The following CDH23 variants were observed in gnomAD, a reference collection of about 807,000 sequenced individuals.
CDH23 encodes the protein cadherin-23.
A neutral mutation model predicts 317.1 loss-of-function variants in CDH23; 189 were observed. The observed-to-expected ratio is 0.60, with a 90% CI of 0.53 to 0.67. The LOEUF (loss-of-function observed/expected upper bound fraction) is 0.67, where lower values mean the gene tolerates loss of function less well. Ranked by LOEUF, CDH23 falls within the 30% of genes least tolerant of loss-of-function variation. The pLI is 0.00. For synonymous variants in CDH23, 1,839 were observed against 1,876.8 expected, an observed-to-expected ratio of 0.98 and a Z score of 0.52; for missense variants, 4,401 against 4,592.4, an observed-to-expected ratio of 0.96 and a Z score of 1.20.
Position 71,587,220 on chromosome 10 carries a change from T to C in CDH23, c.832+9228T>C, listed in dbSNP as rs915997171. Among the ~76,000 whole-genome samples, 6 of 152,292 alleles carry C rather than the reference T, an allele frequency of 3.9e-5. No individual in the cohort carries two copies. The East Asian group carries it at 7.7e-4, about 20-fold the overall frequency. ...GACCTTCCTGCTTCTAAAACTCACA[T>C]TTTTTTTCCTGCTATTGTTTGCTAT... is the stretch of plus-strand genomic sequence containing the variant. On this transcript the variant is annotated intron_variant, in intron 9 of 69. Coordinates refer to ENST00000224721, the MANE Select transcript of CDH23 (RefSeq NM_022124.6).
At chr10:71,485,545 T>G (rs111602135) in intron 3 of CDH23, among the ~76,000 whole-genome samples, 60 of 152,378 alleles carry the variant, frequency 3.9e-4, no homozygotes, top group African/African-American at 1.4e-3. Flanking sequence ...TATTCCCACC[T>G]GCTCCCAAGC....
intron 58 of CDH23, 51 bp from the exon 59 acceptor site, chr10:71,807,465 G>A (rs1841764659): frequency 1.2e-6 from 2 of 1,612,614 alleles, no homozygotes; most frequent in Middle Eastern, 1.7e-4. Context: ...ACCCACATAT[G>A]CCCTGCTCCT....
At chr10:71,647,021 G>T (rs1483876956) in intron 14 of CDH23, 1 of 985,132 alleles carries the variant, frequency 1.0e-6, no homozygotes, top group African/African-American at 1.7e-5. Context: ...AGGGTACCGG[G>T]GCACCCCCAG....
At chr10:71,784,515 G>A in intron 42 of CDH23, 95 bp downstream of exon 42, 2 of 1,505,092 alleles carry the variant, frequency 1.3e-6, no homozygotes, top group South Asian at 1.3e-5. Flanking sequence ...TGCCAAGAGA[G>A]GCCACAGGCT....
chr10:71,797,036 G>A, intron 48 of CDH23, 68 bp from the exon 49 acceptor site: 1 of 977,134 alleles, frequency 1.0e-6, no homozygotes, highest in Admixed American at 2.0e-5. Flanking sequence ...TTGGCCAGGA[G>A]CACCCCTGGG....
In CDH23 at chr10:71,705,094, CCCA is replaced by C. The variant is rs1865731745; in HGVS notation, c.2921_2923del (p.Thr974del). 2.5e-6 allele frequency: 4 copies of C among 1,610,602 alleles called. No homozygotes were observed. Among genetic ancestry groups the C allele is most frequent in the Non-Finnish European group, 3.4e-6 (4 of 1,179,028 alleles). ...GGTGGTGGCCAGTGATGCAGGCACG[CCCA>C]CCAAGAGCTCCACCAGCACGCTCAC... On this transcript the variant is annotated inframe_deletion, in exon 25 of 70. Coordinates refer to ENST00000224721, the MANE Select transcript of CDH23 (RefSeq NM_022124.6).
At chr10:71,791,369 C>G (rs934745365) in intron 47 of CDH23, 34 bp downstream of exon 47, 8 of 1,584,552 alleles carry the variant, frequency 5.0e-6, no homozygotes, top group Admixed American at 1.7e-5. Flanking sequence ...ACCCCACAAC[C>G]AGGGGCCGGT....
chr10:71,409,474 G>A (rs572892925), intron 1 of CDH23, among the ~76,000 whole-genome samples: 12 of 152,176 alleles, frequency 7.9e-5, no homozygotes, highest in South Asian at 2.1e-4. Flanking sequence ...GGTAAGGGAC[G>A]GAGGATGGGG....
chr10:71,595,687 G>T (rs889927402), intron 9 of CDH23, among the ~76,000 whole-genome samples: 1 of 152,168 alleles, frequency 6.6e-6, no homozygotes, highest in Non-Finnish European at 1.5e-5. Context: ...ACCTGCAGGG[G>T]CCTTCCCCTG....
chr10:71,534,987 G>A (rs902896053), intron 6 of CDH23, among the ~76,000 whole-genome samples: 2 of 152,240 alleles, frequency 1.3e-5, no homozygotes, highest in African/African-American at 2.4e-5. Flanking sequence ...TCCCCTCCCT[G>A]TGTGGGCTGT....
At chr10:71,707,324 G>C in intron 26 of CDH23, 1 of 1,420,868 alleles carries the variant, frequency 7.0e-7, no homozygotes, top group African/African-American at 1.4e-5. Context: ...TCATTCTAGA[G>C]GGAGGTAAGG....
At chr10:71,608,359 A>G (rs1013947366) in intron 9 of CDH23, among the ~76,000 whole-genome samples, 3 of 152,186 alleles carry the variant, frequency 2.0e-5, no homozygotes, top group African/African-American at 7.2e-5. Context: ...AGTGGAGATC[A>G]GGATCGCACA....
Position 71,702,658 on chromosome 10 carries a change from G to T in CDH23, c.2697G>T (p.Val899=). 6.2e-7 allele frequency: 1 copy of T among 1,613,912 alleles called. No individual in the cohort carries two copies. The highest frequency in any genetic ancestry group is 8.5e-7 in the Non-Finnish European group (1 of 1,179,886). The change falls in exon 24 of 70, where the codon GTG becomes GTT. Residue 899 remains valine, a synonymous_variant. Coordinates refer to ENST00000224721, the MANE Select transcript of CDH23 (RefSeq NM_022124.6). ...TFQNLPFVAE[V]LEGIPAGVSI... ...AGAACCTGCCTTTTGTGGCCGAGGT[G>T]CTTGAAGGCATCCCGGCGGGGGTCT...
chr10:71,807,334 C>G lies in CDH23; in HGVS notation c.8236C>G (p.Leu2746Val). Residue 2746 changes from leucine (L) to valine (V), a missense_variant, in exon 58 of 70, where the codon CTC (leucine) becomes GTC (valine). Transcript: ENST00000224721. ...TVPEHSPRGT[L>V]VGNVTGAVDA... is the part of the protein sequence containing the mutation. ...GCCTGAGCACTCACCACGCGGCACC[C>G]TCGTGGGCAACGTGACAGGCGCAGT... is the stretch of plus-strand genomic sequence containing the variant. 2 of 1,613,930 alleles carry G rather than the reference C, an allele frequency of 1.2e-6. No homozygotes were observed. The highest frequency in any genetic ancestry group is 1.7e-6 in the Non-Finnish European group (2 of 1,179,838).
intron 9 of CDH23, among the ~76,000 whole-genome samples, chr10:71,612,645 G>A (rs535079343): frequency 1.3e-5 from 2 of 152,120 alleles, no homozygotes; most frequent in African/African-American, 4.8e-5. Flanking sequence ...TCTGTGGGGG[G>A]GCTGGGGAGG....
intron 9 of CDH23, among the ~76,000 whole-genome samples, chr10:71,600,792 A>C (rs778434751): frequency 1.3e-5 from 2 of 152,208 alleles, no homozygotes; most frequent in Non-Finnish European, 2.9e-5. Flanking sequence ...CTGGGATTAC[A>C]GGCTTGAGCC....
chr10:71,408,380 A>AGAGG (rs1458737564), intron 1 of CDH23, among the ~76,000 whole-genome samples: 2 of 151,708 alleles, frequency 1.3e-5, no homozygotes, highest in African/African-American at 4.9e-5. Context: ...AGAGAGAGAG[A>AGAGG]GAGAGAGAAA....
At chr10:71,532,845 T>G (rs1459770092) in intron 6 of CDH23, among the ~76,000 whole-genome samples, 1 of 149,886 alleles carries the variant, frequency 6.7e-6, no homozygotes, top group Non-Finnish European at 1.5e-5. Flanking sequence ...TTCTCCTGCA[T>G]CAGCCTCCCA....
intron 38 of CDH23, chr10:71,757,559 G>C (rs1840182459): frequency 6.6e-6 from 1 of 152,372 alleles, no homozygotes; most frequent in Non-Finnish European, 1.5e-5. Context: ...CACAGGGGAA[G>C]GCAGGCATAC....
Sources: gnomAD v4.1 joint callset for allele counts (sites outside exome capture counted in the v4.1 genomes callset) on GRCh38, gnomAD v4.1.1 for gene constraint, MANE v1.5 for transcripts, NCBI Gene and HGNC (gene_info 2026-07-23, HGNC 2026-07-21) for gene names.